Variants in PCNX4 observed in about 807,000 individuals in gnomAD.
PCNX4 encodes pecanex-like protein 4.
PCNX4 carries 103 observed loss-of-function variants against 107.2 expected under a neutral mutation model. The ratio of observed to expected loss-of-function variants is 0.96; its 90% CI spans 0.82 to 1.13. PCNX4 has a LOEUF of 1.13. PCNX4 is among the 50% of genes most tolerant of loss of function. The pLI is 0.00. For missense variants in PCNX4, 1,528 were observed against 1,379.4 expected (o/e 1.11, Z -1.71); for synonymous variants, 541 against 481.7 (o/e 1.12, Z -1.61).
chr14:60,095,608 T>G (rs1172941491), intron 1 of PCNX4, among the ~76,000 whole-genome samples: 1 of 152,210 alleles, frequency 6.6e-6, no homozygotes, highest in Non-Finnish European at 1.5e-5. Context: ...CACATTTCCC[T>G]TCTTTTTTCT....
chr14:60,128,939 G>A (rs945073838), intron 10 of PCNX4, among the ~76,000 whole-genome samples: 7 of 152,162 alleles, frequency 4.6e-5, no homozygotes, highest in African/African-American at 7.2e-5. Flanking sequence ...AAGGCTGGGC[G>A]CAGTGGTTCA....
chr14:60,103,817 C>T (rs897470645), intron 1 of PCNX4, among the ~76,000 whole-genome samples: 1 of 152,174 alleles, frequency 6.6e-6, no homozygotes, highest in Non-Finnish European at 1.5e-5. Context: ...AGAAACACAG[C>T]CATATTTCTC....
intron 10 of PCNX4, among the ~76,000 whole-genome samples, chr14:60,127,059 C>T (rs948105809): frequency 1.3e-5 from 2 of 152,180 alleles, no homozygotes; most frequent in African/African-American, 4.8e-5. Context: ...CTCTTCTTCC[C>T]AGAGGAACTG....
At chr14:60,113,059 G>C (rs987221051) in intron 2 of PCNX4, among the ~76,000 whole-genome samples, 3 of 152,142 alleles carry the variant, frequency 2.0e-5, no homozygotes, top group Admixed American at 6.5e-5. Flanking sequence ...GCGTGTGCCT[G>C]TAGTCCCAGC....
In PCNX4 at chr14:60,139,282, G is replaced by T. The variant is rs1896279577; in HGVS notation, c.*5061G>T. The T allele has an allele frequency of 6.6e-6, 1 of 151,968 alleles. No homozygotes were observed. The highest frequency in any genetic ancestry group is 1.5e-5 in the Non-Finnish European group (1 of 67,914). The allele number at this position is 151,968 out of a possible 1,614,324, so 9.4% of individuals were successfully genotyped here. A position where few individuals can be genotyped will look rare whatever the true frequency, so the allele number is the denominator to read the frequency against. On this transcript the variant is annotated 3_prime_UTR_variant, in exon 11 of 11. Coordinates refer to ENST00000406854, the MANE Select transcript of PCNX4 (RefSeq NM_001330177.2). ...AACAAGAATGGAAAAATTATAATAT[G>T]AAATACAAAAAACAAAAACGATAGG...
chr14:60,093,001 G>C (rs1034676355), intron 1 of PCNX4, among the ~76,000 whole-genome samples: 3 of 151,990 alleles, frequency 2.0e-5, no homozygotes, highest in African/African-American at 7.3e-5. Context: ...CTGCAGTTAG[G>C]GCAAAGACTG....
At chr14:60,132,363 G>A (rs1468372973) in intron 10 of PCNX4, among the ~76,000 whole-genome samples, 1 of 152,070 alleles carries the variant, frequency 6.6e-6, no homozygotes. Flanking sequence ...CATCTGCAAA[G>A]TACCCATTCC....
In PCNX4 at chr14:60,094,760, A is replaced by G. The variant is rs1168800592; in HGVS notation, c.-54+2341A>G. Among the ~76,000 whole-genome samples the G allele has an allele frequency of 1.7e-3, 70 of 41,866 alleles. 1 individual carries two copies. The highest frequency in any genetic ancestry group is 6.9e-4 in the Non-Finnish European group (8 of 11,572). The allele number at this position is 41,866 out of a possible 152,430, so 27.5% of individuals were successfully genotyped here. On this transcript the variant is annotated intron_variant, in intron 1 of 10. Transcript: ENST00000406854. The stretch of plus-strand genomic sequence containing the variant: ...TTGCAATATACTTGTGTTGCTGTAG[A>G]GCCCCCCCCCACCCCCATCTTTCTT...
At position 60,108,050 on chromosome 14, in the gene PCNX4, G is replaced by A. The variant is rs764911471; in HGVS notation, c.412G>A (p.Ala138Thr). The change falls in exon 2 of 11, where the codon GCC becomes ACC. Residue 138 changes from alanine (A) to threonine (T), a missense_variant. Coordinates refer to ENST00000406854, the MANE Select transcript of PCNX4 (RefSeq NM_001330177.2). ...TCTCATTCCTGGCAAGAAATATGTAGCCAATACAGTTTTTCATTCTATTCT... is the reference window on the plus strand; with the variant it reads ...TCTCATTCCTGGCAAGAAATATGTAACCAATACAGTTTTTCATTCTATTCT... ...KFLIPGKKYV[A>T]NTVFHSILAG... 2 of 1,612,856 alleles carry A rather than the reference G, an allele frequency of 1.2e-6. No homozygotes were observed. The highest frequency in any genetic ancestry group is 8.5e-7 in the Non-Finnish European group (1 of 1,179,860).
Position 60,125,039 on chromosome 14 carries a change from T to C in PCNX4, c.2868T>C (p.Asn956=). 1 of 1,613,706 alleles carries C rather than the reference T, an allele frequency of 6.2e-7. No homozygotes were observed. The highest frequency in any genetic ancestry group is 8.5e-7 in the Non-Finnish European group (1 of 1,179,728). ...ECYHSEEKAS[N]VLEEIAKDKV... The stretch of plus-strand genomic sequence containing the variant: ...ATCATTCAGAAGAGAAGGCCTCAAA[T>C]GTACTGGAAGAAATTGCCAAGGACA... Residue 956 remains asparagine (N), a synonymous_variant, in exon 9 of 11, where the codon AAT becomes AAC. Coordinates refer to ENST00000406854, the MANE Select transcript of PCNX4 (RefSeq NM_001330177.2).
In PCNX4 at chr14:60,114,707, G is replaced by T. The variant is rs375291448; in HGVS notation, c.697G>T (p.Val233Leu). 6.2e-7 allele frequency: 1 copy of T among 1,610,090 alleles called. No homozygotes were observed. The highest frequency in any genetic ancestry group is 8.5e-7 in the Non-Finnish European group (1 of 1,177,752). The change falls in exon 3 of 11, where the codon GTA (valine) becomes TTA (leucine). Residue 233 changes from valine to leucine, a missense_variant. Val to Leu is a conservative substitution (Grantham distance 32). Transcript: ENST00000406854. ...TTCTTTTTTTTTATATAGGTTTGTG[G>T]TAAATATGCCAGCTCTAGAACACAT... ...VSVDLAHRFV[V>L]NMPALEHMNQ...
intron 2 of PCNX4, 87 bp downstream of exon 2, chr14:60,108,414 G>A: frequency 1.0e-6 from 1 of 981,150 alleles, no homozygotes. Context: ...ACAAAAAAAT[G>A]AATCCATGGA....
At chr14:60,096,039 A>G (rs1488049651) in intron 1 of PCNX4, among the ~76,000 whole-genome samples, 2 of 152,168 alleles carry the variant, frequency 1.3e-5, no homozygotes, top group Non-Finnish European at 2.9e-5. Context: ...AGGACACAAC[A>G]CAAACTATTA....
chr14:60,125,650 C>T lies in PCNX4; in HGVS notation c.3094C>T (p.Leu1032=), dbSNP rs771986222. ...CATTTTTTTTAGGTATACTCTGAAA[C>T]TAATGATTGATAAAGCAAGTTTAGG... ...ALKAFRYTLK[L]MIDKASLGPI... Residue 1032 remains leucine (L), a synonymous_variant, in exon 10 of 11, where the codon CTA becomes TTA. Transcript: ENST00000406854. 6 of 1,525,586 alleles carry T rather than the reference C, an allele frequency of 3.9e-6. No homozygotes were observed. The South Asian group carries it at 5.3e-5, about 13-fold the overall frequency. The allele number at this position is 1,525,586 out of a possible 1,614,324, so 94.5% of individuals were successfully genotyped here. A position where few individuals can be genotyped will look rare whatever the true frequency, so the allele number is the denominator to read the frequency against.
chr14:60,116,224 C>G (rs1223967549), intron 6 of PCNX4, among the ~76,000 whole-genome samples, 164 bp downstream of exon 6: 2 of 152,218 alleles, frequency 1.3e-5, no homozygotes, highest in Non-Finnish European at 2.9e-5. Context: ...CATTCCCCCT[C>G]TCCATCTCGC....
chr14:60,118,778 C>G, intron 7 of PCNX4, 86 bp downstream of exon 7: 1 of 1,394,092 alleles, frequency 7.2e-7, no homozygotes, highest in Non-Finnish European at 9.4e-7. Flanking sequence ...ATCTTTTTAT[C>G]CAACCATAAG....
At chr14:60,104,404 T>C (rs1895593179) in intron 1 of PCNX4, among the ~76,000 whole-genome samples, 1 of 152,080 alleles carries the variant, frequency 6.6e-6, no homozygotes, top group African/African-American at 2.4e-5. Context: ...TGTCATATTT[T>C]CCAATTTTAA....
chr14:60,128,042 A>C (rs370691544), intron 10 of PCNX4, among the ~76,000 whole-genome samples: 18 of 152,222 alleles, frequency 1.2e-4, no homozygotes, highest in African/African-American at 4.3e-4. Context: ...AATAGAGATT[A>C]TGCAATCCAA....
chr14:60,099,190 T>G (rs2140529828), intron 1 of PCNX4, among the ~76,000 whole-genome samples: 1 of 152,324 alleles, frequency 6.6e-6, no homozygotes, highest in East Asian at 1.9e-4. Flanking sequence ...ATTAAGTTCT[T>G]TCATATCATG....
Sources: gnomAD v4.1 joint callset for allele counts (sites outside exome capture counted in the v4.1 genomes callset) on GRCh38, gnomAD v4.1.1 for gene constraint, MANE v1.5 for transcripts, NCBI Gene and HGNC (gene_info 2026-07-23, HGNC 2026-07-21) for gene names.